CNTN3: variants seen among roughly 807,000 people sequenced by gnomAD.
CNTN3 encodes the protein contactin-3.
CNTN3 carries 60 observed loss-of-function variants against 119.1 expected under a neutral mutation model. That is an observed-to-expected ratio of 0.50 (90% CI 0.41 to 0.62). CNTN3 has a LOEUF of 0.62. Ranked by LOEUF, CNTN3 falls within the 20% of genes least tolerant of loss-of-function variation. The probability of loss-of-function intolerance (pLI) is 0.00; values close to 1 mark genes in which losing one functional copy is unlikely to be tolerated. For missense variants in CNTN3, 1,101 were observed against 1,242.4 expected (o/e 0.89, Z 1.71); for synonymous variants, 450 against 438.7 (o/e 1.03, Z -0.32).
intron 4 of CNTN3, among the ~76,000 whole-genome samples, chr3:74,446,549 C>T (rs777378900): frequency 2.8e-4 from 42 of 151,876 alleles, no homozygotes; most frequent in Non-Finnish European, 5.4e-4. Context: ...TTGAGATGTG[C>T]TTTAACTGTA....
chr3:74,355,857 C>T (rs559517287), intron 11 of CNTN3, among the ~76,000 whole-genome samples: 3 of 152,098 alleles, frequency 2.0e-5, no homozygotes, highest in South Asian at 2.1e-4. Flanking sequence ...TTCCTTAATT[C>T]GGTATACACT....
rs1435189629 is a variant in CNTN3, at chr3:74,301,678, A to C, written c.1914T>G (p.Pro638=). 2 of 1,614,046 alleles carry C rather than the reference A, an allele frequency of 1.2e-6. No homozygotes were observed. The highest frequency in any genetic ancestry group is 2.7e-5 in the African/African-American group (2 of 75,030). ...VISYSIQART[P]FSVGWQTVTT... ...TGACGGTTTGCCAACCCACGGAGAA[A>C]GGTGTCCGAGCCTGGATAGAATAGG... Residue 638 remains proline, a synonymous_variant, in exon 15 of 23, where the codon CCT becomes CCG. Coordinates refer to ENST00000263665, the MANE Select transcript of CNTN3 (RefSeq NM_020872.3).
chr3:74,450,467 T>G (rs1258148472), intron 4 of CNTN3, among the ~76,000 whole-genome samples: 1 of 150,952 alleles, frequency 6.6e-6, no homozygotes, highest in Non-Finnish European at 1.5e-5. Flanking sequence ...ACAACCTAAA[T>G]GATTCTTGAA....
intron 5 of CNTN3, among the ~76,000 whole-genome samples, chr3:74,422,713 C>G (rs1409935054): frequency 6.6e-6 from 1 of 152,176 alleles, no homozygotes; most frequent in African/African-American, 2.4e-5. Context: ...AAACTGATCA[C>G]AACCAAGACT....
At chr3:74,486,960 T>C (rs1410164428) in intron 3 of CNTN3, among the ~76,000 whole-genome samples, 1 of 152,164 alleles carries the variant, frequency 6.6e-6, no homozygotes, top group African/African-American at 2.4e-5. Flanking sequence ...GAGATAATTA[T>C]CTCAGATACT....
Position 74,486,653 on chromosome 3 carries a change from TC to T in CNTN3, c.183-23del, listed in dbSNP as rs201674839. 3.1e-3 allele frequency: 4,553 copies of T among 1,488,302 alleles called. 60 individuals carry two copies. Among genetic ancestry groups the T allele is most frequent in the East Asian group, 0.026 (1,051 of 39,748 alleles). The allele number at this position is 1,488,302 out of a possible 1,614,324, so 92.2% of individuals were successfully genotyped here. A position where few individuals can be genotyped will look rare whatever the true frequency, so the allele number is the denominator to read the frequency against. ...CCATCTGTAAAACAAATATCAAGGT[TC>T]CCCCCCCTTAGTATTTTTAACTTAA... is the stretch of plus-strand genomic sequence containing the variant. On this transcript the variant is annotated intron_variant, in intron 3 of 22. Transcript: ENST00000263665.
At chr3:74,391,434 G>GA (rs1443228845) in intron 5 of CNTN3, among the ~76,000 whole-genome samples, 1 of 152,020 alleles carries the variant, frequency 6.6e-6, no homozygotes, top group Non-Finnish European at 1.5e-5. Flanking sequence ...GTAACATGGG[G>GA]AAAATAATGG....
chr3:74,402,192 C>A (rs1388737311), intron 5 of CNTN3, among the ~76,000 whole-genome samples: 1 of 152,176 alleles, frequency 6.6e-6, no homozygotes, highest in Middle Eastern at 3.2e-3. Flanking sequence ...TGTCTTACGG[C>A]TACGTCCCAA....
intron 13 of CNTN3, among the ~76,000 whole-genome samples, chr3:74,320,031 A>T (rs1392801287): frequency 1.3e-5 from 2 of 152,218 alleles, no homozygotes; most frequent in Non-Finnish European, 2.9e-5. Context: ...GGTGCTGGAG[A>T]CGATGTGGAG....
At chr3:74,542,008 G>T (rs1703849148) in intron 1 of CNTN3, among the ~76,000 whole-genome samples, 1 of 152,110 alleles carries the variant, frequency 6.6e-6, no homozygotes, top group South Asian at 2.1e-4. Flanking sequence ...CAAGGCAGGA[G>T]GATTGCTTGT....
chr3:74,473,005 T>G (rs1702592331), intron 4 of CNTN3, among the ~76,000 whole-genome samples: 1 of 151,986 alleles, frequency 6.6e-6, no homozygotes, highest in Non-Finnish European at 1.5e-5. Context: ...TGTTTAATCT[T>G]TCTTCAAACT....
rs2106722268 is a variant in CNTN3, at chr3:74,613,386, TTGTCTGTTGCTTTTTCTAGCTC to T, written c.-81+983_-81+1004del. Among the ~76,000 whole-genome samples the T allele has an allele frequency of 1.3e-5, 2 of 152,138 alleles. 1 individual carries two copies. The highest frequency in any genetic ancestry group is 4.2e-4 in the South Asian group (2 of 4,808). On this transcript the variant is annotated intron_variant, in intron 1 of 22. Coordinates refer to ENST00000263665, the MANE Select transcript of CNTN3 (RefSeq NM_020872.3). ...CTCCCTCCTGCACATCACGCCCTCC[TTGTCTGTTGCTTTTTCTAGCTC>T]TGTTTCCCTGCATCTTGGGTTGAGG...
intron 4 of CNTN3, among the ~76,000 whole-genome samples, chr3:74,483,465 T>C (rs1206593050): frequency 6.6e-6 from 1 of 152,022 alleles, no homozygotes; most frequent in Non-Finnish European, 1.5e-5. Context: ...AAGGAATGAA[T>C]GGTCTAACTG....
At chr3:74,551,818 C>T (rs547754558) in intron 1 of CNTN3, among the ~76,000 whole-genome samples, 1 of 120,584 alleles carries the variant, frequency 8.3e-6, no homozygotes, top group East Asian at 2.7e-4. Flanking sequence ...GGCTGGAGTG[C>T]AGTGGCGCGA....
At chr3:74,442,174 C>G (rs866354855) in intron 4 of CNTN3, among the ~76,000 whole-genome samples, 1 of 113,780 alleles carries the variant, frequency 8.8e-6, no homozygotes, top group Non-Finnish European at 1.9e-5. Flanking sequence ...CACACACACA[C>G]ACAGAGAGAG....
At chr3:74,440,695 C>A (rs1268745374) in intron 4 of CNTN3, among the ~76,000 whole-genome samples, 1 of 151,954 alleles carries the variant, frequency 6.6e-6, no homozygotes, top group East Asian at 1.9e-4. Context: ...GATACATGTG[C>A]AGAACATGCA....
At chr3:74,595,218 A>G (rs1381661924) in intron 1 of CNTN3, among the ~76,000 whole-genome samples, 7 of 151,588 alleles carry the variant, frequency 4.6e-5, no homozygotes, top group Non-Finnish European at 1.0e-4. Flanking sequence ...AGTAGGTTGC[A>G]AAAATTTTCT....
intron 8 of CNTN3, 99 bp downstream of exon 8, chr3:74,369,090 T>C (rs1704271441): frequency 3.7e-6 from 3 of 801,768 alleles, no homozygotes; most frequent in South Asian, 7.4e-5. Flanking sequence ...AGTTGAACAT[T>C]GGGATTCTGC....
intron 1 of CNTN3, among the ~76,000 whole-genome samples, chr3:74,584,763 A>G (rs1395289819): frequency 6.6e-6 from 1 of 152,186 alleles, no homozygotes; most frequent in Non-Finnish European, 1.5e-5. Flanking sequence ...CAGCATGCCT[A>G]TTAAATAGAT....
Sources: allele counts gnomAD v4.1 joint callset (sites outside exome capture counted in the v4.1 genomes callset), GRCh38; gene constraint gnomAD v4.1.1; transcripts MANE v1.5; gene names NCBI Gene and HGNC (gene_info 2026-07-23, HGNC 2026-07-21).